Variants in FILIP1L observed in about 807,000 individuals in gnomAD.
FILIP1L encodes filamin A-interacting protein 1-like.
Under a neutral mutation model 96.6 loss-of-function variants are expected in FILIP1L, and 55 were observed. The observed-to-expected ratio is 0.57, with a 90% CI of 0.46 to 0.71. FILIP1L has a LOEUF of 0.71. FILIP1L is among the 30% of genes least tolerant of loss of function. The pLI is 0.00. For missense variants in FILIP1L, 1,304 were observed against 1,321.2 expected, an observed-to-expected ratio of 0.99 and a Z score of 0.20; for synonymous variants, 467 against 473.9, an observed-to-expected ratio of 0.99 and a Z score of 0.19.
intron 1 of FILIP1L, among the ~76,000 whole-genome samples, chr3:99,994,733 C>A (rs990883681): frequency 3.4e-4 from 52 of 152,158 alleles, no homozygotes; most frequent in African/African-American, 1.2e-3. Flanking sequence ...GCCTCAGAAT[C>A]ATGGTGGGAG....
At chr3:100,087,699 T>C (rs1407088182) in intron 1 of FILIP1L, among the ~76,000 whole-genome samples, 3 of 152,148 alleles carry the variant, frequency 2.0e-5, no homozygotes, top group Non-Finnish European at 4.4e-5. Context: ...ATATTAATAA[T>C]GTCTTTCACA....
At chr3:100,095,947 A>G (rs1047910215) in intron 1 of FILIP1L, among the ~76,000 whole-genome samples, 1 of 152,204 alleles carries the variant, frequency 6.6e-6, no homozygotes, top group South Asian at 2.1e-4. Flanking sequence ...AATCCAATTT[A>G]AAAAATAGGC....
intron 1 of FILIP1L, among the ~76,000 whole-genome samples, chr3:99,937,476 G>A (rs1450817563): frequency 6.6e-6 from 1 of 152,238 alleles, no homozygotes; most frequent in Non-Finnish European, 1.5e-5. Flanking sequence ...AATAGAAAGA[G>A]TATGAGATTG....
chr3:100,041,724 G>T (rs981015890), intron 1 of FILIP1L, among the ~76,000 whole-genome samples: 1 of 152,192 alleles, frequency 6.6e-6, no homozygotes, highest in Non-Finnish European at 1.5e-5. Flanking sequence ...TGAGTGAAAT[G>T]GAGGTATTTT....
intron 1 of FILIP1L, among the ~76,000 whole-genome samples, chr3:99,938,608 A>G (rs555525010): frequency 1.4e-4 from 21 of 152,298 alleles, no homozygotes; most frequent in Admixed American, 1.3e-3. Context: ...TTAAGCTAAG[A>G]TTTAGTTCCC....
chr3:100,035,747 T>C (rs1413003603), intron 1 of FILIP1L, among the ~76,000 whole-genome samples: 3 of 152,192 alleles, frequency 2.0e-5, no homozygotes, highest in African/African-American at 7.2e-5. Flanking sequence ...AAAATTCAAA[T>C]GTAGAGAGAA....
At chr3:99,847,049 T>C (rs1943396191) in intron 5 of FILIP1L, among the ~76,000 whole-genome samples, 1 of 152,242 alleles carries the variant, frequency 6.6e-6, no homozygotes, top group South Asian at 2.1e-4. Context: ...AGGATTCGGC[T>C]GAGTTATTCT....
intron 1 of FILIP1L, among the ~76,000 whole-genome samples, chr3:100,029,228 T>C (rs779148086): frequency 6.5e-4 from 98 of 151,824 alleles, no homozygotes; most frequent in Non-Finnish European, 1.3e-3. Flanking sequence ...TTATTTTTTA[T>C]TTTCACATGT....
intron 4 of FILIP1L, chr3:99,874,156 T>TA (rs1705385896): frequency 1.3e-5 from 2 of 152,204 alleles, no homozygotes; most frequent in Admixed American, 1.3e-4. Flanking sequence ...TTTTAAATTT[T>TA]AAAAAATCGA....
At chr3:100,094,400 A>C (rs2066165345) in intron 1 of FILIP1L, among the ~76,000 whole-genome samples, 1 of 152,134 alleles carries the variant, frequency 6.6e-6, no homozygotes, top group Non-Finnish European at 1.5e-5. Flanking sequence ...TTCCCTTAAC[A>C]GGATCTTTCA....
At chr3:99,950,223 T>G (rs1157370321) in intron 1 of FILIP1L, among the ~76,000 whole-genome samples, 2 of 152,198 alleles carry the variant, frequency 1.3e-5, no homozygotes, top group Non-Finnish European at 2.9e-5. Context: ...CTTGCCCTGG[T>G]TTCTCTGTGT....
intron 4 of FILIP1L, among the ~76,000 whole-genome samples, chr3:99,875,196 T>C (rs1705449520): frequency 6.6e-6 from 1 of 152,204 alleles, no homozygotes; most frequent in Non-Finnish European, 1.5e-5. Flanking sequence ...TTGGAAAAAA[T>C]GAAGTAAAAT....
intron 1 of FILIP1L, among the ~76,000 whole-genome samples, chr3:99,933,406 G>T (rs2107666249): frequency 6.6e-6 from 1 of 152,246 alleles, no homozygotes; most frequent in South Asian, 2.1e-4. Flanking sequence ...GGAATGGGAG[G>T]TTGGGGATGT....
At chr3:99,833,085 G>A (rs1192170458) in intron 5 of FILIP1L, 2 of 687,950 alleles carry the variant, frequency 2.9e-6, no homozygotes, top group Admixed American at 2.8e-5. Context: ...GGAGGCTCCT[G>A]GGTTTCATCA....
At chr3:99,971,117 C>A (rs1479301031) in intron 1 of FILIP1L, among the ~76,000 whole-genome samples, 1 of 152,154 alleles carries the variant, frequency 6.6e-6, no homozygotes, top group Non-Finnish European at 1.5e-5. Flanking sequence ...GCGGGCGGAT[C>A]ACTAGGTCAG....
chr3:99,899,249 G>T (rs1471622748), intron 4 of FILIP1L, among the ~76,000 whole-genome samples: 1 of 152,080 alleles, frequency 6.6e-6, no homozygotes, highest in African/African-American at 2.4e-5. Context: ...GTTTTATTTT[G>T]AACAGGACAC....
intron 1 of FILIP1L, among the ~76,000 whole-genome samples, chr3:100,072,952 TG>T (rs2065787052): frequency 6.6e-6 from 1 of 152,220 alleles, no homozygotes; most frequent in Admixed American, 6.5e-5. Flanking sequence ...GGGAGAATAA[TG>T]ATGATAGCAT....
chr3:99,947,468 C>T (rs2107684094), intron 1 of FILIP1L, among the ~76,000 whole-genome samples: 1 of 152,298 alleles, frequency 6.6e-6, no homozygotes, highest in East Asian at 1.9e-4. Context: ...TGCCCCACCC[C>T]CTTCACCTTA....
In FILIP1L at chr3:99,952,300, T is replaced by C. The variant is rs186391934; in HGVS notation, c.-10-21270A>G. Among the ~76,000 whole-genome samples, 10 of 152,352 alleles carry C rather than the reference T, an allele frequency of 6.6e-5. No homozygotes were observed. In the East Asian group the frequency reaches 1.9e-3, roughly 29 times the overall value. On this transcript the variant is annotated intron_variant, in intron 1 of 5. Coordinates refer to ENST00000477258, the MANE Select transcript of FILIP1L (RefSeq NM_001387850.1). ...TCAATTGGATTATTTTGGCTTAAGCTAGACATCTAAGGTATTTTCATAATG... is the reference window on the plus strand; with the variant it reads ...TCAATTGGATTATTTTGGCTTAAGCCAGACATCTAAGGTATTTTCATAATG...
Sources: gnomAD v4.1 joint callset for allele counts (sites outside exome capture counted in the v4.1 genomes callset) on GRCh38, gnomAD v4.1.1 for gene constraint, MANE v1.5 for transcripts, NCBI Gene and HGNC (gene_info 2026-07-23, HGNC 2026-07-21) for gene names.